DMD: variants seen among roughly 807,000 people sequenced by gnomAD.
DMD encodes the protein dystrophin, also known as mutant dystrophin.
In DMD, 63 loss-of-function variants were observed where a neutral mutation model predicts 330.1. The ratio of observed to expected loss-of-function variants is 0.19; its 90% CI spans 0.16 to 0.24. The LOEUF is 0.24. Ranked by LOEUF, DMD falls within the 10% of genes least tolerant of loss-of-function variation. The pLI is 1.00. For missense variants in DMD, 3,344 were observed against 2,684.1 expected (o/e 1.25, Z -5.43); for synonymous variants, 1,223 against 959.8 (o/e 1.27, Z -5.07).
At chrX:33,009,705 CGTATATGTGTATATGTGT>C (rs1470282383) in intron 2 of DMD, among the ~76,000 whole-genome samples, 2 of 57,109 alleles carry the variant, frequency 3.5e-5, no homozygotes, top group African/African-American at 1.3e-4. Context: ...TGTGTGTATA[CGTATATGTGTATATGTGT>C]GTATATGTGT....
rs1014326640 is a variant in DMD at position 32,023,023 on chromosome X, G to A, written c.6439-54509C>T. Among the ~76,000 whole-genome samples the A allele has an allele frequency of 3.7e-5, 4 of 109,399 alleles. No homozygotes were observed. In the Admixed American group the frequency reaches 3.9e-4, roughly 11 times the overall value. The allele number at this position is 109,399 out of a possible 115,157, so 95.0% of individuals were successfully genotyped here. A position where few individuals can be genotyped will look rare whatever the true frequency, so the allele number is the denominator to read the frequency against. ...AATTTTACTATTTTTAGTAAAGACG[G>A]GGTCTCACCATGTTGGCCAGGATGG... is the stretch of plus-strand genomic sequence containing the variant. On this transcript the variant is annotated intron_variant, in intron 44 of 78. Transcript: ENST00000357033.
intron 1 of DMD, among the ~76,000 whole-genome samples, chrX:33,103,715 C>A (rs889086280): frequency 2.7e-5 from 3 of 111,239 alleles, no homozygotes; most frequent in Non-Finnish European, 3.8e-5. Flanking sequence ...CACACGGACG[C>A]GACTGAAATG....
chrX:31,801,376 T>C (rs2092053128), intron 50 of DMD, among the ~76,000 whole-genome samples: 1 of 111,276 alleles, frequency 9.0e-6, no homozygotes, highest in Non-Finnish European at 1.9e-5. Context: ...CCTGGGTCCC[T>C]CCCACAACAC....
At chrX:31,422,040 TA>T (rs1212690148) in intron 60 of DMD, among the ~76,000 whole-genome samples, 4 of 7,401 alleles carry the variant, frequency 5.4e-4, no homozygotes, top group African/African-American at 7.3e-4. Context: ...TATATATATA[TA>T]TATTTTTTTT....
intron 7 of DMD, among the ~76,000 whole-genome samples, chrX:32,726,434 T>C (rs1226838242): frequency 9.0e-6 from 1 of 111,330 alleles, no homozygotes; most frequent in Admixed American, 9.6e-5. Flanking sequence ...GTGACTCTCA[T>C]TTGGACTGCT....
chrX:32,735,874 A>C (rs1194104371), intron 7 of DMD, among the ~76,000 whole-genome samples: 1 of 112,034 alleles, frequency 8.9e-6, no homozygotes, highest in Non-Finnish European at 1.9e-5. Flanking sequence ...TTCATGTCTA[A>C]AACACCAAAA....
At chrX:31,252,968 C>T (rs778996984) in intron 63 of DMD, among the ~76,000 whole-genome samples, 1 of 107,095 alleles carries the variant, frequency 9.3e-6, no homozygotes, top group Non-Finnish European at 1.9e-5. Flanking sequence ...TCCAGCCTGG[C>T]GACAGAGTGA....
chrX:32,777,277 T>TGGGGGGGGGGGGGGGTTGGGG (rs546914107), intron 7 of DMD, among the ~76,000 whole-genome samples: 1 of 2,113 alleles, frequency 4.7e-4, no homozygotes, highest in Non-Finnish European at 7.0e-4. Context: ...GGTTTCTGGT[T>TGGGGGGGGGGGGGGGTTGGGG]GGGGGGGGAA....
chrX:32,665,241 T>C (rs186112900), intron 9 of DMD, among the ~76,000 whole-genome samples: 2 of 111,805 alleles, frequency 1.8e-5, no homozygotes, highest in East Asian at 5.6e-4. Context: ...TCAAACATGC[T>C]AGAGAAGTGT....
intron 44 of DMD, among the ~76,000 whole-genome samples, chrX:32,167,617 G>A (rs1359863461): frequency 8.9e-6 from 1 of 112,240 alleles, no homozygotes; most frequent in Non-Finnish European, 1.9e-5. Flanking sequence ...GTAAACCAAC[G>A]GTCTAACAAC....
At chrX:32,847,997 C>T (rs767691716) in intron 3 of DMD, among the ~76,000 whole-genome samples, 5 of 111,859 alleles carry the variant, frequency 4.5e-5, no homozygotes, top group South Asian at 3.7e-4. Flanking sequence ...TTATGAATTA[C>T]GAAAGGATCT....
intron 7 of DMD, among the ~76,000 whole-genome samples, chrX:32,782,998 T>C (rs1291869756): frequency 9.6e-6 from 1 of 104,094 alleles, no homozygotes; most frequent in East Asian, 3.0e-4. Context: ...TGTGTGTATA[T>C]ATACACACAC....
intron 7 of DMD, among the ~76,000 whole-genome samples, chrX:32,729,886 G>A (rs987180943): frequency 1.8e-5 from 2 of 112,016 alleles, no homozygotes; most frequent in Non-Finnish European, 3.8e-5. Context: ...TTTTCTAAAT[G>A]TACTAGCAAA....
intron 7 of DMD, among the ~76,000 whole-genome samples, chrX:32,796,709 T>C (rs1220307037): frequency 8.9e-6 from 1 of 111,772 alleles, no homozygotes; most frequent in Non-Finnish European, 1.9e-5. Context: ...ATATCACATG[T>C]ATGTACATAT....
intron 62 of DMD, among the ~76,000 whole-genome samples, chrX:31,298,485 T>C (rs2054374520): frequency 9.1e-6 from 1 of 109,997 alleles, no homozygotes; most frequent in African/African-American, 3.3e-5. Flanking sequence ...AGAGACTCAG[T>C]TAAGATAATA....
At chrX:32,068,374 A>ATTTTTTTTTTTT (rs749610367) in intron 44 of DMD, among the ~76,000 whole-genome samples, 1 of 64,320 alleles carries the variant, frequency 1.6e-5, no homozygotes, top group African/African-American at 5.7e-5. Flanking sequence ...CTTGCTTGTC[A>ATTTTTTTTTTTT]TTTTTTTTTT....
chrX:31,957,371 T>C lies in DMD; in HGVS notation c.6614+10968A>G, dbSNP rs185210054. 4.3e-4 allele frequency among the ~76,000 whole-genome samples: 48 copies of C among 112,120 alleles called. 1 individual carries two copies. The highest frequency in any genetic ancestry group is 2.7e-3 in the Admixed American group (29 of 10,560). On this transcript the variant is annotated intron_variant, in intron 45 of 78. Coordinates refer to ENST00000357033, the MANE Select transcript of DMD (RefSeq NM_004006.3). ...GGAAAGGAATGTCTGAATATATTTA[T>C]ATTGTAATCTAGGAGCTAAAAACAT... is the stretch of plus-strand genomic sequence containing the variant.
At chrX:32,543,708 G>A (rs9306780) in intron 17 of DMD, among the ~76,000 whole-genome samples, 12,031 of 111,340 alleles carry the variant, frequency 0.11, 887 homozygotes, top group African/African-American at 0.25. Flanking sequence ...TATTACCATC[G>A]TGAGTAGAGT....
chrX:32,242,779 C>A (rs745794499), intron 43 of DMD, among the ~76,000 whole-genome samples: 1 of 109,946 alleles, frequency 9.1e-6, no homozygotes, highest in Non-Finnish European at 1.9e-5. Flanking sequence ...GTAGTTAGAA[C>A]GCATTGGCAT....
Sources: gnomAD v4.1 joint callset for allele counts (sites outside exome capture counted in the v4.1 genomes callset) on GRCh38, gnomAD v4.1.1 for gene constraint, MANE v1.5 for transcripts, NCBI Gene and HGNC (gene_info 2026-07-23, HGNC 2026-07-21) for gene names.